The following B3GALT1 variants were observed in gnomAD, a reference collection of about 807,000 sequenced individuals.
The protein encoded by B3GALT1 is beta-1,3-galactosyltransferase 1.
Under a neutral mutation model 23.2 loss-of-function variants are expected in B3GALT1, and 10 were observed. That is an observed-to-expected ratio of 0.43 (90% confidence interval 0.27 to 0.73). The LOEUF is 0.73. Among genes scored for constraint, B3GALT1 ranks in the 30% least tolerant of loss-of-function variants. The pLI, the probability that B3GALT1 is intolerant of heterozygous loss-of-function variation, is 0.21. For missense variants in B3GALT1, 299 were observed against 405.4 expected, an observed-to-expected ratio of 0.74 and a Z score of 2.25; for synonymous variants, 156 against 141.5, an observed-to-expected ratio of 1.10 and a Z score of -0.73.
At chr2:167,516,230 C>T (rs1700098582) in intron 2 of B3GALT1, among the ~76,000 whole-genome samples, 1 of 152,014 alleles carries the variant, frequency 6.6e-6, no homozygotes, top group African/African-American at 2.4e-5. Context: ...TGCTTTCTAT[C>T]AGGCCCTTGT....
intron 1 of B3GALT1, among the ~76,000 whole-genome samples, chr2:167,302,215 A>C (rs73013903): frequency 0.014 from 2,205 of 152,308 alleles, 67 homozygotes; most frequent in African/African-American, 0.051. Flanking sequence ...TACATTTATA[A>C]AAATGGTTAA....
Position 167,810,664 on chromosome 2 carries a change from C to A in B3GALT1, c.-351-8008C>A, listed in dbSNP as rs1030500479. Among the ~76,000 whole-genome samples, 45 of 150,902 alleles carry A rather than the reference C, an allele frequency of 3.0e-4. 4 individuals are homozygous for A. Among genetic ancestry groups the A allele is most frequent in the African/African-American group, 1.1e-3 (43 of 40,210 alleles). ...ATTGTTTACTACCTAAGTTTAACATCCAACTAAGCTTGCTAAGCCTCATAG... is the reference window on the plus strand; with the variant it reads ...ATTGTTTACTACCTAAGTTTAACATACAACTAAGCTTGCTAAGCCTCATAG... On this transcript the variant is annotated intron_variant, in intron 3 of 4. Coordinates refer to ENST00000392690, the MANE Select transcript of B3GALT1 (RefSeq NM_020981.4).
chr2:167,623,077 T>C (rs1470211214), intron 2 of B3GALT1, among the ~76,000 whole-genome samples: 2 of 152,290 alleles, frequency 1.3e-5, no homozygotes, highest in East Asian at 3.9e-4. Flanking sequence ...AGATACCATC[T>C]CACGCCAGTT....
chr2:167,663,411 C>T (rs1174311467), intron 3 of B3GALT1, among the ~76,000 whole-genome samples: 1 of 151,878 alleles, frequency 6.6e-6, no homozygotes, highest in East Asian at 1.9e-4. Context: ...AATAATGCCG[C>T]AATAAACATA....
At chr2:167,740,787 A>G (rs1294187822) in intron 3 of B3GALT1, among the ~76,000 whole-genome samples, 1 of 152,210 alleles carries the variant, frequency 6.6e-6, no homozygotes, top group South Asian at 2.1e-4. Context: ...TTTGTTCAAT[A>G]TATCATCATA....
At chr2:167,621,965 A>T (rs1012612337) in intron 2 of B3GALT1, among the ~76,000 whole-genome samples, 21 of 152,066 alleles carry the variant, frequency 1.4e-4, no homozygotes, top group African/African-American at 5.1e-4. Flanking sequence ...TTTATAAATT[A>T]CCCAGTCTTG....
intron 2 of B3GALT1, among the ~76,000 whole-genome samples, chr2:167,565,345 C>G (rs1420534956): frequency 1.3e-5 from 2 of 152,150 alleles, no homozygotes; most frequent in Non-Finnish European, 2.9e-5. Flanking sequence ...ACACCTTATG[C>G]AAAAATCAAT....
At chr2:167,603,885 AAAAAGTTCTTTTTTTTTTTC>A (rs1684916369) in intron 2 of B3GALT1, among the ~76,000 whole-genome samples, 1 of 152,112 alleles carries the variant, frequency 6.6e-6, no homozygotes, top group Non-Finnish European at 1.5e-5. Flanking sequence ...TCTTTAAAAG[AAAAAGTTCTTTTTTTTTTTC>A]AAATCACATA....
At chr2:167,687,325 C>T (rs557121766) in intron 3 of B3GALT1, among the ~76,000 whole-genome samples, 1 of 152,262 alleles carries the variant, frequency 6.6e-6, no homozygotes, top group South Asian at 2.1e-4. Flanking sequence ...ATTGCTGAAA[C>T]CACATCTCTA....
chr2:167,797,525 C>T (rs1688563679), intron 3 of B3GALT1, among the ~76,000 whole-genome samples: 1 of 152,124 alleles, frequency 6.6e-6, no homozygotes, highest in African/African-American at 2.4e-5. Flanking sequence ...AATGGTATTT[C>T]TGCTTCTAGA....
intron 3 of B3GALT1, among the ~76,000 whole-genome samples, chr2:167,647,660 A>T (rs974945407): frequency 6.6e-6 from 1 of 152,186 alleles, no homozygotes; most frequent in Non-Finnish European, 1.5e-5. Context: ...TAAGATATGC[A>T]TCTGGGCTCT....
chr2:167,679,211 C>T (rs1006690934), intron 3 of B3GALT1, among the ~76,000 whole-genome samples: 4 of 152,030 alleles, frequency 2.6e-5, no homozygotes, highest in East Asian at 1.9e-4. Flanking sequence ...CTCCGCCTCC[C>T]GGGTTCAAGC....
chr2:167,841,017 G>C (rs1199963534), intron 4 of B3GALT1, among the ~76,000 whole-genome samples: 2 of 117,630 alleles, frequency 1.7e-5, no homozygotes, highest in African/African-American at 6.4e-5. Flanking sequence ...ATACCCTGGG[G>C]ACTGTTGTGG....
chr2:167,519,454 A>T (rs1700155259), intron 2 of B3GALT1, among the ~76,000 whole-genome samples: 2 of 152,166 alleles, frequency 1.3e-5, no homozygotes, highest in Admixed American at 1.3e-4. Context: ...GTATATTGCA[A>T]ATCTTTGCTC....
intron 1 of B3GALT1, among the ~76,000 whole-genome samples, chr2:167,373,320 CAT>C (rs776190652): frequency 1.3e-5 from 2 of 151,752 alleles, no homozygotes; most frequent in African/African-American, 4.8e-5. Flanking sequence ...AGACAGGACA[CAT>C]ATAACACAAA....
chr2:167,629,227 G>C (rs904483948), intron 2 of B3GALT1, among the ~76,000 whole-genome samples: 7 of 151,744 alleles, frequency 4.6e-5, no homozygotes, highest in African/African-American at 1.7e-4. Flanking sequence ...ATGTCTAAGA[G>C]ATAGGTACAT....
intron 2 of B3GALT1, among the ~76,000 whole-genome samples, chr2:167,535,239 G>T (rs1395031573): frequency 6.6e-6 from 1 of 152,084 alleles, no homozygotes; most frequent in Non-Finnish European, 1.5e-5. Context: ...TTTATGGTAG[G>T]GATGAGTGTG....
At chr2:167,746,460 C>T (rs1307473749) in intron 3 of B3GALT1, among the ~76,000 whole-genome samples, 1 of 152,174 alleles carries the variant, frequency 6.6e-6, no homozygotes, top group Non-Finnish European at 1.5e-5. Context: ...CATGACCTAA[C>T]CAAAGATCAG....
intron 2 of B3GALT1, among the ~76,000 whole-genome samples, chr2:167,550,348 A>G (rs1413341754): frequency 3.3e-5 from 5 of 152,354 alleles, no homozygotes; most frequent in South Asian, 2.1e-4. Context: ...CTAAAATGCA[A>G]TAAGTCTCCA....
Sources: allele counts gnomAD v4.1 joint callset (sites outside exome capture counted in the v4.1 genomes callset), GRCh38; gene constraint gnomAD v4.1.1; transcripts MANE v1.5; gene names NCBI Gene and HGNC (gene_info 2026-07-23, HGNC 2026-07-21).